Variants in KCNB2 observed in about 807,000 individuals in gnomAD.
KCNB2 encodes delayed rectifier potassium channel protein.
Under a neutral mutation model 61.5 loss-of-function variants are expected in KCNB2, and 15 were observed. That is an observed-to-expected ratio of 0.24 (90% CI 0.16 to 0.38). KCNB2 has a LOEUF of 0.38. KCNB2 is among the 10% of genes least tolerant of loss of function. The pLI, the probability that KCNB2 is intolerant of heterozygous loss-of-function variation, is 1.00. For synonymous variants in KCNB2, 457 were observed against 446.0 expected (o/e 1.02, Z -0.31); for missense variants, 828 against 1,125.2 (o/e 0.74, Z 3.78).
At chr8:72,675,046 T>A (rs1039552664) in intron 2 of KCNB2, among the ~76,000 whole-genome samples, 3 of 152,220 alleles carry the variant, frequency 2.0e-5, no homozygotes, top group Admixed American at 6.5e-5. Flanking sequence ...GCTCCTTTAG[T>A]CATACCTTTT....
intron 2 of KCNB2, among the ~76,000 whole-genome samples, chr8:72,632,082 ATT>A (rs74872081): frequency 4.0e-5 from 6 of 150,292 alleles, no homozygotes; most frequent in Non-Finnish European, 7.4e-5. Context: ...TTAAAAAAAG[ATT>A]TTTTTTTTTA....
At chr8:72,631,102 A>C (rs1280416741) in intron 2 of KCNB2, among the ~76,000 whole-genome samples, 2 of 152,240 alleles carry the variant, frequency 1.3e-5, no homozygotes, top group African/African-American at 4.8e-5. Context: ...AAAACAGTTA[A>C]TATACTGCAA....
intron 2 of KCNB2, among the ~76,000 whole-genome samples, chr8:72,720,680 C>T (rs1807534074): frequency 1.3e-5 from 2 of 152,174 alleles, no homozygotes; most frequent in South Asian, 4.1e-4. Context: ...AGCACAGTGA[C>T]TAGCACATAG....
chr8:72,573,002 G>C (rs776536988), intron 2 of KCNB2, among the ~76,000 whole-genome samples: 1 of 152,124 alleles, frequency 6.6e-6, no homozygotes, highest in African/African-American at 2.4e-5. Flanking sequence ...TGGCAGATGG[G>C]CAGTCTGTGC....
rs1384176512 is a variant in KCNB2, at chr8:72,537,264, G to C, written c.-715G>C. On this transcript the variant is annotated 5_prime_UTR_variant, in exon 1 of 3. Coordinates refer to ENST00000523207, the MANE Select transcript of KCNB2 (RefSeq NM_004770.3). ...GCGCCGGGCCGGCTAGCTGCGGGGCGGGGGAGCGGCGCCCCAGAGCGCCCC... is the reference window on the plus strand; with the variant it reads ...GCGCCGGGCCGGCTAGCTGCGGGGCCGGGGAGCGGCGCCCCAGAGCGCCCC... 1.3e-5 allele frequency: 2 copies of C among 151,530 alleles called. No individual in the cohort carries two copies. The highest frequency in any genetic ancestry group is 1.5e-5 in the Non-Finnish European group (1 of 67,742). 9.4% of individuals were successfully genotyped at this position (151,530 alleles called of 1,614,324 possible).
intron 2 of KCNB2, among the ~76,000 whole-genome samples, chr8:72,796,990 A>C (rs1809041500): frequency 6.6e-6 from 1 of 152,194 alleles, no homozygotes; most frequent in Admixed American, 6.5e-5. Flanking sequence ...ACCAATTAGG[A>C]TCAAGTGTGT....
intron 2 of KCNB2, among the ~76,000 whole-genome samples, chr8:72,740,227 G>C (rs1027945243): frequency 1.3e-5 from 2 of 152,116 alleles, no homozygotes; most frequent in African/African-American, 4.8e-5. Context: ...ATATCAAACA[G>C]GTACTGTTTT....
intron 2 of KCNB2, chr8:72,751,002 C>G (rs182291038): frequency 6.6e-6 from 1 of 152,196 alleles, no homozygotes; most frequent in Admixed American, 6.5e-5. Flanking sequence ...TTCAATCTGT[C>G]TCCAGTTACT....
chr8:72,591,711 A>G (rs1440353419), intron 2 of KCNB2, among the ~76,000 whole-genome samples: 1 of 152,154 alleles, frequency 6.6e-6, no homozygotes, highest in African/African-American at 2.4e-5. Flanking sequence ...AAATTCACTG[A>G]AGGGTAATCA....
intron 2 of KCNB2, among the ~76,000 whole-genome samples, chr8:72,766,858 T>C (rs1440954804): frequency 1.3e-5 from 2 of 152,130 alleles, no homozygotes; most frequent in East Asian, 1.9e-4. Flanking sequence ...GATAAAGATA[T>C]ACCCAAGACT....
intron 2 of KCNB2, among the ~76,000 whole-genome samples, chr8:72,725,605 A>ATGTATGTG (rs1157286215): frequency 3.7e-5 from 2 of 54,284 alleles, no homozygotes; most frequent in African/African-American, 4.4e-5. Flanking sequence ...ATATATATAT[A>ATGTATGTG]TATATATATA....
intron 2 of KCNB2, among the ~76,000 whole-genome samples, chr8:72,573,502 A>G (rs1806745923): frequency 6.6e-6 from 1 of 152,214 alleles, no homozygotes; most frequent in Admixed American, 6.5e-5. Flanking sequence ...TGTGAACAAC[A>G]CAGAAACCCC....
intron 2 of KCNB2, among the ~76,000 whole-genome samples, chr8:72,711,919 G>C (rs1436260495): frequency 1.3e-5 from 2 of 152,206 alleles, no homozygotes; most frequent in Admixed American, 1.3e-4. Flanking sequence ...TCAAACTTGA[G>C]AGGCAGAGGC....
intron 2 of KCNB2, among the ~76,000 whole-genome samples, chr8:72,763,525 T>G (rs1419591388): frequency 1.3e-5 from 2 of 152,130 alleles, no homozygotes; most frequent in Non-Finnish European, 2.9e-5. Flanking sequence ...GTTAATGAAT[T>G]GGAGAGCCAT....
At position 72,562,783 on chromosome 8, in the gene KCNB2, A is replaced by AATCATT. The variant is rs1806557878; in HGVS notation, c.-93-4856_-93-4851dup. On this transcript the variant is annotated intron_variant, in intron 1 of 2. Coordinates refer to ENST00000523207, the MANE Select transcript of KCNB2 (RefSeq NM_004770.3). The stretch of plus-strand genomic sequence containing the variant: ...ACATGATTAATTTTATGGGGTAAAA[A>AATCATT]ATCATTATGATAGACATAAATTCAC... 2.0e-5 allele frequency among the ~76,000 whole-genome samples: 3 copies of AATCATT among 152,338 alleles called. No homozygotes were observed. In the South Asian group the frequency reaches 6.2e-4, roughly 32 times the overall value.
chr8:72,765,841 A>C (rs1019737505), intron 2 of KCNB2, among the ~76,000 whole-genome samples: 2 of 152,174 alleles, frequency 1.3e-5, no homozygotes, highest in African/African-American at 4.8e-5. Flanking sequence ...CAAATATTTA[A>C]ATTTTTAACG....
intron 2 of KCNB2, among the ~76,000 whole-genome samples, chr8:72,599,577 A>C (rs914579802): frequency 2.0e-5 from 3 of 152,216 alleles, no homozygotes; most frequent in African/African-American, 7.2e-5. Flanking sequence ...AGCAATGGCA[A>C]CAAAAGCCAT....
intron 2 of KCNB2, among the ~76,000 whole-genome samples, chr8:72,765,809 T>C (rs995693061): frequency 2.0e-5 from 3 of 152,210 alleles, no homozygotes; most frequent in African/African-American, 7.2e-5. Context: ...ACTTTCTAAT[T>C]CACTGGATCT....
chr8:72,563,466 C>T (rs144463436), intron 1 of KCNB2, among the ~76,000 whole-genome samples: 2 of 152,160 alleles, frequency 1.3e-5, no homozygotes, highest in African/African-American at 4.8e-5. Flanking sequence ...CCTAGGAGGC[C>T]TCTGTATTAA....
Sources: gnomAD v4.1 joint callset for allele counts (sites outside exome capture counted in the v4.1 genomes callset) on GRCh38, gnomAD v4.1.1 for gene constraint, MANE v1.5 for transcripts, NCBI Gene and HGNC (gene_info 2026-07-23, HGNC 2026-07-21) for gene names.